The following ALMS1 variants were observed in gnomAD, a reference collection of about 807,000 sequenced individuals.
The protein encoded by ALMS1 is centrosome-associated protein ALMS1.
In ALMS1, 271 loss-of-function variants were observed where a neutral mutation model predicts 352.2. The observed-to-expected ratio is 0.77, with a 90% CI of 0.70 to 0.85. The LOEUF is 0.85. Among genes scored for constraint, ALMS1 ranks in the 40% least tolerant of loss-of-function variants. The pLI, the probability that ALMS1 is intolerant of heterozygous loss-of-function variation, is 0.00. For missense variants in ALMS1, 5,445 were observed against 4,870.7 expected (o/e 1.12, Z -3.51); for synonymous variants, 1,865 against 1,761.2 (o/e 1.06, Z -1.48).
intron 9 of ALMS1, chr2:73,470,463 A>G (rs1157884471): frequency 2.0e-5 from 3 of 151,756 alleles, no homozygotes; most frequent in African/African-American, 7.2e-5. Context: ...TAATTCCCAC[A>G]TAATTGTGAT....
chr2:73,579,187 G>C (rs977387476), intron 16 of ALMS1, among the ~76,000 whole-genome samples: 2 of 149,938 alleles, frequency 1.3e-5, no homozygotes, highest in Admixed American at 1.3e-4. Flanking sequence ...GACCTCCCAA[G>C]TAGCTGAGAT....
intron 22 of ALMS1, among the ~76,000 whole-genome samples, chr2:73,609,114 G>C (rs1206036714): frequency 6.6e-6 from 1 of 152,234 alleles, no homozygotes; most frequent in East Asian, 1.9e-4. Context: ...TGAGAAACCA[G>C]ACCGGCTCCT....
At chr2:73,603,953 TC>T in intron 21 of ALMS1, 1 of 152,976 alleles carries the variant, frequency 6.5e-6, no homozygotes, top group East Asian at 1.9e-4. Flanking sequence ...TAGGAATTGA[TC>T]CCATAGGGTG....
intron 11 of ALMS1, among the ~76,000 whole-genome samples, chr2:73,524,122 C>G (rs1572994529): frequency 6.6e-6 from 1 of 152,044 alleles, no homozygotes; most frequent in Non-Finnish European, 1.5e-5. Flanking sequence ...TAATAATTTA[C>G]TAAATTAAAA....
chr2:73,609,400 G>C (rs1272329092), intron 22 of ALMS1, among the ~76,000 whole-genome samples, 168 bp from the exon 23 acceptor site: 1 of 152,236 alleles, frequency 6.6e-6, no homozygotes, highest in East Asian at 1.9e-4. Flanking sequence ...AACCTTTCGT[G>C]AAGTATTTTT....
At chr2:73,392,340 T>C (rs1670668362) in intron 1 of ALMS1, among the ~76,000 whole-genome samples, 2 of 151,812 alleles carry the variant, frequency 1.3e-5, no homozygotes, top group South Asian at 4.2e-4. Flanking sequence ...TTAAAAACAT[T>C]TTAATAGCTT....
intron 16 of ALMS1, among the ~76,000 whole-genome samples, chr2:73,596,860 C>CTTTTTTTTTTTTTTTTTTTTTTTTTTTTT (rs70965740): frequency 2.9e-5 from 3 of 104,246 alleles, no homozygotes; most frequent in African/African-American, 3.6e-5. Context: ...CCCTCTACCT[C>CTTTTTTTTTTTTTTTTTTTTTTTTTTTTT]TTTTTTTTTT....
chr2:73,601,168 G>A (rs997587990), intron 18 of ALMS1, 27 bp from the exon 19 acceptor site: 2 of 1,613,758 alleles, frequency 1.2e-6, no homozygotes, highest in Non-Finnish European at 8.5e-7. Flanking sequence ...AAAAATCTGT[G>A]TTCCTTCTAA....
intron 1 of ALMS1, among the ~76,000 whole-genome samples, chr2:73,401,268 C>T (rs1670866625): frequency 6.6e-6 from 1 of 152,114 alleles, no homozygotes; most frequent in Admixed American, 6.6e-5. Flanking sequence ...TTCTTCTCCT[C>T]ACTTTAAATA....
At position 73,534,898 on chromosome 2, in the gene ALMS1, C is replaced by T. The variant is rs762224373; in HGVS notation, c.9856C>T (p.Pro3286Ser). The change falls in exon 12 of 23, where the codon CCT becomes TCT. Residue 3286 changes from proline (P) to serine (S), a missense_variant. Physicochemically the swap from Pro to Ser is moderately conservative, Grantham distance 74. Transcript: ENST00000613296. ...TTATGTTCCACAATTAAGACAAATT[C>T]CTCCATCTCCGGATTCCAAATCAGA... Reference protein sequence around the residue: ...MYYVPQLRQIPPSPDSKSDTT... With the variant: ...MYYVPQLRQISPSPDSKSDTT... The T allele has an allele frequency of 6.2e-7, 1 of 1,613,726 alleles. No individual in the cohort carries two copies. The highest frequency in any genetic ancestry group is 1.1e-5 in the South Asian group (1 of 91,032).
At chr2:73,549,163 T>A (rs562185531) in intron 12 of ALMS1, among the ~76,000 whole-genome samples, 25 of 152,326 alleles carry the variant, frequency 1.6e-4, no homozygotes, top group African/African-American at 5.1e-4. Flanking sequence ...TATAAGCCTT[T>A]ATATGTCCAG....
At chr2:73,473,736 G>A (rs1672515775) in intron 9 of ALMS1, among the ~76,000 whole-genome samples, 1 of 152,078 alleles carries the variant, frequency 6.6e-6, no homozygotes, top group Non-Finnish European at 1.5e-5. Flanking sequence ...GAAAAGTACA[G>A]TAACAAAAAT....
Position 73,385,922 on chromosome 2 carries a change from G to T in ALMS1, c.54G>T (p.Glu18Asp). 1 of 959,184 alleles carries T rather than the reference G, an allele frequency of 1.0e-6. No homozygotes were observed. Among genetic ancestry groups the T allele is most frequent in the Non-Finnish European group, 1.6e-6 (1 of 615,866 alleles). 59.4% of individuals were successfully genotyped at this position (959,184 alleles called of 1,614,324 possible). A position where few individuals can be genotyped will look rare whatever the true frequency, so the allele number is the denominator to read the frequency against. ...WPGELEEEEE[E>D]EEEEEEEEEE... ...GCGAGCTGGAGGAGGAGGAGGAGGA[G>T]GAGGAGGAGGAGGAGGAGGAAGAGG... Residue 18 changes from glutamate (E) to aspartate (D), a missense_variant, in exon 1 of 23, where the codon GAG becomes GAT. Transcript: ENST00000613296.
chr2:73,485,608 C>A (rs561120955), intron 9 of ALMS1, among the ~76,000 whole-genome samples: 4 of 152,214 alleles, frequency 2.6e-5, no homozygotes, highest in Non-Finnish European at 5.9e-5. Flanking sequence ...CCACCCAGTT[C>A]GAGCTTCCAG....
rs1409359077 is a variant in ALMS1 at position 73,451,879 on chromosome 2, A to G, written c.5352A>G (p.Lys1784=). The G allele has an allele frequency of 1.2e-6, 2 of 1,613,792 alleles. No homozygotes were observed. The highest frequency in any genetic ancestry group is 1.7e-6 in the Non-Finnish European group (2 of 1,179,762). Residue 1784 remains lysine (K), a synonymous_variant, in exon 8 of 23, where the codon AAA becomes AAG. Coordinates refer to ENST00000613296, the MANE Select transcript of ALMS1 (RefSeq NM_001378454.1). ...GTCATCTAACTGAAGAGGCTCTGAA[A>G]GTTTCAAATGTTCCTGGACCAGCTG... ...PDSHLTEEAL[K]VSNVPGPADQ...
rs527867764 is a variant in ALMS1 at position 73,447,457 on chromosome 2, C to T, written c.1433-503C>T. Among the ~76,000 whole-genome samples, 8 of 152,090 alleles carry T rather than the reference C, an allele frequency of 5.3e-5. No homozygotes were observed. The East Asian group carries it at 7.7e-4, about 15-fold the overall frequency. ...GGGAGAGTCCTTCAAACTCACTGCA[C>T]GCATAGCATCCCTCTAGGCCATATT... is the stretch of plus-strand genomic sequence containing the variant. On this transcript the variant is annotated intron_variant, in intron 7 of 22. Coordinates refer to ENST00000613296, the MANE Select transcript of ALMS1 (RefSeq NM_001378454.1).
intron 1 of ALMS1, among the ~76,000 whole-genome samples, chr2:73,391,457 C>T: frequency 6.6e-6 from 1 of 151,844 alleles, no homozygotes; most frequent in Admixed American, 6.6e-5. Flanking sequence ...CCACGCCCGG[C>T]TATTATTTTG....
At chr2:73,421,802 G>T (rs1671289748) in intron 3 of ALMS1, among the ~76,000 whole-genome samples, 1 of 152,144 alleles carries the variant, frequency 6.6e-6, no homozygotes, top group Non-Finnish European at 1.5e-5. Context: ...GGTGAGCTCT[G>T]TGAACTCTAG....
chr2:73,523,624 G>A (rs956684469), intron 11 of ALMS1, among the ~76,000 whole-genome samples: 6 of 152,064 alleles, frequency 3.9e-5, no homozygotes, highest in African/African-American at 1.2e-4. Context: ...AAAATTAGCC[G>A]GGCATGATGG....
Sources: gnomAD v4.1 joint callset for allele counts (sites outside exome capture counted in the v4.1 genomes callset) on GRCh38, gnomAD v4.1.1 for gene constraint, MANE v1.5 for transcripts, NCBI Gene and HGNC (gene_info 2026-07-23, HGNC 2026-07-21) for gene names.